Variants in ACSF3 observed in about 807,000 individuals in gnomAD.
ACSF3 encodes acyl-CoA synthetase family member 3.
ACSF3 carries 78 observed loss-of-function variants against 53.2 expected under a neutral mutation model. The observed-to-expected ratio is 1.47, with a 90% CI of 1.22 to 1.77. ACSF3 has a LOEUF of 1.77. ACSF3 is among the 40% of genes most tolerant of loss of function. The pLI is 0.00. For synonymous variants in ACSF3, 414 were observed against 333.1 expected (o/e 1.24, Z -2.65); for missense variants, 937 against 771.1 (o/e 1.22, Z -2.55).
chr16:89,118,930 C>T (rs1183563424), intron 6 of ACSF3, among the ~76,000 whole-genome samples: 5 of 152,216 alleles, frequency 3.3e-5, no homozygotes, highest in Non-Finnish European at 5.9e-5. Flanking sequence ...TCTGTCCACT[C>T]TCTTGAGCTC....
chr16:89,120,003 C>T (rs1431871601), intron 6 of ACSF3, among the ~76,000 whole-genome samples: 1 of 152,250 alleles, frequency 6.6e-6, no homozygotes, highest in Non-Finnish European at 1.5e-5. Context: ...CACGTCTGCT[C>T]TGCCCCTAGG....
intron 7 of ACSF3, among the ~76,000 whole-genome samples, chr16:89,130,319 C>T (rs973076233): frequency 2.0e-5 from 3 of 152,144 alleles, no homozygotes; most frequent in Non-Finnish European, 2.9e-5. Context: ...TGCCTATAGT[C>T]CCAGCACTTT....
chr16:89,113,974 C>T (rs1007874186), intron 5 of ACSF3: 7 of 360,702 alleles, frequency 1.9e-5, no homozygotes, highest in South Asian at 4.3e-5. Flanking sequence ...TGATCAGCTC[C>T]GTGGTCGGCA....
Position 89,155,935 on chromosome 16 carries a change from C to G in ACSF3, c.*1728C>G, listed in dbSNP as rs935280977. 4 of 366,638 alleles carry G rather than the reference C, an allele frequency of 1.1e-5. No homozygotes were observed. In the Admixed American group the frequency reaches 1.4e-4, roughly 13 times the overall value. The allele number at this position is 366,638 out of a possible 1,614,324, so 22.7% of individuals were successfully genotyped here. On this transcript the variant is annotated 3_prime_UTR_variant, in exon 11 of 11. Coordinates refer to ENST00000614302, the MANE Select transcript of ACSF3 (RefSeq NM_001243279.3). ...TACAGAAAGCCTGGAGCTCATTGAC[C>G]AGAAACTGCAGAGAGCCTGGAGCTC...
chr16:89,116,895 G>A (rs888428489), intron 6 of ACSF3, among the ~76,000 whole-genome samples: 71 of 152,298 alleles, frequency 4.7e-4, no homozygotes, highest in African/African-American at 1.7e-3. Context: ...CTGTTTCTTC[G>A]GTGGCTAAAG....
chr16:89,127,660 C>T (rs1051100399), intron 7 of ACSF3, among the ~76,000 whole-genome samples: 1 of 152,130 alleles, frequency 6.6e-6, no homozygotes, highest in Non-Finnish European at 1.5e-5. Context: ...GCCACTGTGC[C>T]CTACCAACGT....
At chr16:89,109,629 C>T (rs1276424253) in intron 4 of ACSF3, among the ~76,000 whole-genome samples, 1 of 152,132 alleles carries the variant, frequency 6.6e-6, no homozygotes, top group Non-Finnish European at 1.5e-5. Flanking sequence ...CCAGGCTGGT[C>T]TTGAACTCCT....
chr16:89,101,698 C>T (rs1279873746), intron 3 of ACSF3, among the ~76,000 whole-genome samples: 3 of 152,246 alleles, frequency 2.0e-5, no homozygotes, highest in Admixed American at 1.3e-4. Context: ...CAGGACCCCA[C>T]ATACACCCGG....
intron 8 of ACSF3, among the ~76,000 whole-genome samples, chr16:89,138,560 G>T (rs2052548230): frequency 6.6e-6 from 1 of 152,230 alleles, no homozygotes; most frequent in Admixed American, 6.5e-5. Context: ...CTTTCATCCG[G>T]CAGAGGGACC....
At chr16:89,110,563 A>G (rs74637657) in intron 4 of ACSF3, among the ~76,000 whole-genome samples, 4 of 152,236 alleles carry the variant, frequency 2.6e-5, no homozygotes, top group African/African-American at 9.6e-5. Context: ...CTTCTGGTTT[A>G]CGTCAGTTTT....
chr16:89,096,951 CAGG>C (rs768270830), intron 1 of ACSF3, among the ~76,000 whole-genome samples: 5 of 152,274 alleles, frequency 3.3e-5, no homozygotes, highest in Non-Finnish European at 7.3e-5. Context: ...GGATTCCGCG[CAGG>C]AGAACAGCAG....
At chr16:89,098,453 C>T in intron 1 of ACSF3, 138 bp from the exon 2 acceptor site, 1 of 356,424 alleles carries the variant, frequency 2.8e-6, no homozygotes. Flanking sequence ...GGAGATAAGG[C>T]TCACAGCTTT....
rs764608253 is a variant in ACSF3 at position 89,133,191 on chromosome 16, TG to T, written c.1296del (p.Arg434GlufsTer71). 6.2e-7 allele frequency: 1 copy of T among 1,614,096 alleles called. No homozygotes were observed. The highest frequency in any genetic ancestry group is 1.7e-5 in the Admixed American group (1 of 60,030). On this transcript the variant is annotated frameshift_variant, in exon 8 of 11. Coordinates refer to ENST00000614302, the MANE Select transcript of ACSF3 (RefSeq NM_001243279.3). LOFTEE classifies it high-confidence loss of function. Reference protein sequence around the residue: ...EGELLVRGPSVFREYWNKPEE... With the variant: ...EGELLVRGPSXFREYWNKPEE... ...GAGCTGCTGGTGAGGGGACCCTCCG[TG>T]TTTCGAGAATACTGGAATAAACCAG...
At chr16:89,143,144 C>T (rs563795867) in intron 8 of ACSF3, among the ~76,000 whole-genome samples, 1 of 152,202 alleles carries the variant, frequency 6.6e-6, no homozygotes, top group African/African-American at 2.4e-5. Flanking sequence ...GTGCCGTCCC[C>T]CCAGTTTCTC....
At chr16:89,152,213 G>A (rs1221867088) in intron 10 of ACSF3, 3 of 152,290 alleles carry the variant, frequency 2.0e-5, no homozygotes, top group Non-Finnish European at 4.4e-5. Flanking sequence ...TGGAGGTTGG[G>A]AGTGGCTCAG....
intron 7 of ACSF3, among the ~76,000 whole-genome samples, chr16:89,129,431 A>T (rs1398691221): frequency 6.6e-6 from 1 of 152,034 alleles, no homozygotes; most frequent in Non-Finnish European, 1.5e-5. Context: ...TATTATAGCT[A>T]TTTTAATTTC....
At chr16:89,151,362 G>A (rs1914056378) in intron 10 of ACSF3, 2 of 382,564 alleles carry the variant, frequency 5.2e-6, no homozygotes, top group Non-Finnish European at 1.0e-5. Flanking sequence ...AGTCTCTGAT[G>A]AAACAGAGTG....
chr16:89,116,628 G>A (rs1005795398), intron 6 of ACSF3, among the ~76,000 whole-genome samples: 7 of 152,232 alleles, frequency 4.6e-5, no homozygotes, highest in Admixed American at 2.6e-4. Context: ...TGGGGTGGCC[G>A]CACAGAGTGC....
At chr16:89,096,950 G>A (rs1199943365) in intron 1 of ACSF3, among the ~76,000 whole-genome samples, 3 of 152,252 alleles carry the variant, frequency 2.0e-5, no homozygotes, top group Non-Finnish European at 2.9e-5. Context: ...TGGATTCCGC[G>A]CAGGAGAACA....
Sources: gnomAD v4.1 joint callset for allele counts (sites outside exome capture counted in the v4.1 genomes callset) on GRCh38, gnomAD v4.1.1 for gene constraint, MANE v1.5 for transcripts, NCBI Gene and HGNC (gene_info 2026-07-23, HGNC 2026-07-21) for gene names.